The following ARHGAP29 variants were observed in gnomAD, a reference collection of about 807,000 sequenced individuals.
ARHGAP29 encodes rho GTPase-activating protein 29.
Under a neutral mutation model 122.6 loss-of-function variants are expected in ARHGAP29, and 43 were observed. The ratio of observed to expected loss-of-function variants is 0.35; its 90% CI spans 0.27 to 0.45. The LOEUF (loss-of-function observed/expected upper bound fraction) is 0.45, where lower values mean the gene tolerates loss of function less well. ARHGAP29 is among the 20% of genes least tolerant of loss of function. The pLI, the probability that ARHGAP29 is intolerant of heterozygous loss-of-function variation, is 1.00. For synonymous variants in ARHGAP29, 506 were observed against 497.1 expected (o/e 1.02, Z -0.24); for missense variants, 1,303 against 1,477.2 (o/e 0.88, Z 1.93).
At chr1:94,223,786 TA>T (rs1219116050) in intron 2 of ARHGAP29, among the ~76,000 whole-genome samples, 16 of 151,758 alleles carry the variant, frequency 1.1e-4, no homozygotes, top group Admixed American at 8.5e-4. Flanking sequence ...TGAATAGGTG[TA>T]AAAAAATTAT....
chr1:94,198,235 G>T lies in ARHGAP29; in HGVS notation c.1281+3485C>A, dbSNP rs942580597. Among the ~76,000 whole-genome samples, 3 of 152,092 alleles carry T rather than the reference G, an allele frequency of 2.0e-5. No individual in the cohort carries two copies. The South Asian group carries it at 6.2e-4, about 32-fold the overall frequency. ...TCACACCTGTAATCTCAGCACTCTG[G>T]GGGGCCAAGGTGGGTGGATTCCTTG... On this transcript the variant is annotated intron_variant, in intron 12 of 22. Coordinates refer to ENST00000260526, the MANE Select transcript of ARHGAP29 (RefSeq NM_004815.4).
the ARHGAP29 span, chr1:94,302,745 A>AT: frequency 2.7e-6 from 1 of 369,968 alleles, no homozygotes; most frequent in Non-Finnish European, 5.3e-6. Flanking sequence ...TGTGTCAGTC[A>AT]TGGACCTGAC....
chr1:94,293,825 A>G, the ARHGAP29 span, among the ~76,000 whole-genome samples: 1 of 152,174 alleles, frequency 6.6e-6, no homozygotes, highest in Non-Finnish European at 1.5e-5. Context: ...TTAGTCCTCC[A>G]GGGATTTTAT....
chr1:94,203,081 C>T lies in ARHGAP29; in HGVS notation c.873+19G>A. On this transcript the variant is annotated intron_variant, in intron 9 of 22. Coordinates refer to ENST00000260526, the MANE Select transcript of ARHGAP29 (RefSeq NM_004815.4). The stretch of plus-strand genomic sequence containing the variant: ...TGCTTAAAAATAAAAGTGCATTATA[C>T]ATATAAATTAATCTTTACCTGCACA... The T allele has an allele frequency of 6.2e-7, 1 of 1,601,000 alleles. No homozygotes were observed. Among genetic ancestry groups the T allele is most frequent in the South Asian group, 1.1e-5 (1 of 88,362 alleles).
chr1:94,190,831 T>C (rs1650092761), intron 12 of ARHGAP29: 1 of 152,138 alleles, frequency 6.6e-6, no homozygotes, highest in South Asian at 2.1e-4. Context: ...ACAAATTACG[T>C]AAATAAAATA....
chr1:94,237,233 C>G lies in ARHGAP29; in HGVS notation c.-33+182G>C, dbSNP rs560105913. Among the ~76,000 whole-genome samples, 322 of 152,250 alleles carry G rather than the reference C, an allele frequency of 2.1e-3. 1 individual carries two copies. Among genetic ancestry groups the G allele is most frequent in the South Asian group, 0.015 (73 of 4,822 alleles). ...CCCCTAGCCCCGGCCGGACCCTTCC[C>G]GTGGACTCCAGTCCTGGCTCGAGGA... On this transcript the variant is annotated intron_variant, in intron 1 of 22. Transcript: ENST00000260526.
At chr1:94,195,704 T>C (rs1650410444) in intron 12 of ARHGAP29, 1 of 151,928 alleles carries the variant, frequency 6.6e-6, no homozygotes, top group Non-Finnish European at 1.5e-5. Context: ...TATAAGATAG[T>C]GCCAAAATAG....
intron 1 of ARHGAP29, among the ~76,000 whole-genome samples, chr1:94,254,355 G>A (rs1282475747): frequency 6.6e-6 from 1 of 152,166 alleles, no homozygotes; most frequent in Non-Finnish European, 1.5e-5. Flanking sequence ...CCAAAAAACT[G>A]ATGAAATACC....
intron 5 of ARHGAP29, among the ~76,000 whole-genome samples, chr1:94,206,704 C>T (rs1557861106): frequency 6.6e-6 from 1 of 151,964 alleles, no homozygotes; most frequent in Non-Finnish European, 1.5e-5. Context: ...CGAGGCCAGC[C>T]TGACCAACAT....
chr1:94,231,666 C>T, intron 1 of ARHGAP29, 23 bp from the exon 2 acceptor site: 1 of 1,526,962 alleles, frequency 6.5e-7, no homozygotes, highest in Non-Finnish European at 8.9e-7. Context: ...AGAAACAAAA[C>T]AAAAACAAGC....
upstream of ARHGAP29, among the ~76,000 whole-genome samples, chr1:94,240,461 C>T (rs940983062): frequency 2.0e-5 from 3 of 152,150 alleles, no homozygotes; most frequent in African/African-American, 7.2e-5. Context: ...CACAAATACA[C>T]TTTAAATATG....
At position 94,177,839 on chromosome 1, in the gene ARHGAP29, A is replaced by G. The variant is rs1649201354; in HGVS notation, c.2796+13T>C. 6.3e-7 allele frequency: 1 copy of G among 1,591,966 alleles called. No individual in the cohort carries two copies. Among genetic ancestry groups the G allele is most frequent in the Non-Finnish European group, 8.5e-7 (1 of 1,171,810 alleles). ...ACAAAGTTCTAATATAATTCTATAAAGGTCAAACTCACTTCCTTTGAAGAA... is the reference window on the plus strand; with the variant it reads ...ACAAAGTTCTAATATAATTCTATAAGGGTCAAACTCACTTCCTTTGAAGAA... On this transcript the variant is annotated intron_variant, in intron 21 of 22. Coordinates refer to ENST00000260526, the MANE Select transcript of ARHGAP29 (RefSeq NM_004815.4).
Position 94,174,042 on chromosome 1 carries a change from A to G in ARHGAP29, c.3613T>C (p.Ser1205Pro). ...DHDPHGLVVKSMPDPDKASAC... is the reference protein window; with the variant it reads ...DHDPHGLVVKPMPDPDKASAC... ...GATGCTTTGTCTGGGTCTGGCATTG[A>G]CTTCACCACGAGACCGTGGGGATCG... Residue 1205 changes from serine (S) to proline (P), a missense_variant, in exon 23 of 23, where the codon TCA (serine) becomes CCA (proline). Transcript: ENST00000260526. 6.2e-7 allele frequency: 1 copy of G among 1,614,134 alleles called. No individual in the cohort carries two copies. Among genetic ancestry groups the G allele is most frequent in the Non-Finnish European group, 8.5e-7 (1 of 1,180,016 alleles).
chr1:94,229,310 C>G (rs1360460008), intron 2 of ARHGAP29, among the ~76,000 whole-genome samples: 2 of 151,718 alleles, frequency 1.3e-5, no homozygotes, highest in East Asian at 3.9e-4. Context: ...CTCATGAGAT[C>G]TTTGTAATAC....
intron 1 of ARHGAP29, among the ~76,000 whole-genome samples, chr1:94,263,684 C>CTAT (rs1347794721): frequency 6.6e-6 from 1 of 152,112 alleles, no homozygotes; most frequent in African/African-American, 2.4e-5. Context: ...GTGATAGTGA[C>CTAT]TATTAATACC....
chr1:94,297,885 G>T, the ARHGAP29 span, among the ~76,000 whole-genome samples: 3 of 152,142 alleles, frequency 2.0e-5, no homozygotes, highest in Non-Finnish European at 2.9e-5. Context: ...AACATTAGAG[G>T]TGCTGAACTT....
chr1:94,227,086 C>G (rs908185716), intron 2 of ARHGAP29, among the ~76,000 whole-genome samples: 17 of 151,620 alleles, frequency 1.1e-4, no homozygotes, highest in African/African-American at 3.9e-4. Context: ...TATGCAGAAC[C>G]TCTCATAACA....
At chr1:94,220,054 CA>C (rs1652199492) in intron 3 of ARHGAP29, among the ~76,000 whole-genome samples, 1 of 152,090 alleles carries the variant, frequency 6.6e-6, no homozygotes, top group South Asian at 2.1e-4. Flanking sequence ...TATTCACTGC[CA>C]AATAAAGTTA....
At chr1:94,215,136 A>G (rs1651880405) in intron 3 of ARHGAP29, among the ~76,000 whole-genome samples, 1 of 151,236 alleles carries the variant, frequency 6.6e-6, no homozygotes, top group South Asian at 2.1e-4. Flanking sequence ...AATAAAATAC[A>G]TAGGGAAAAA....
Sources: gnomAD v4.1 joint callset for allele counts (sites outside exome capture counted in the v4.1 genomes callset) on GRCh38, gnomAD v4.1.1 for gene constraint, MANE v1.5 for transcripts, NCBI Gene and HGNC (gene_info 2026-07-23, HGNC 2026-07-21) for gene names.